NAALAD2: variants seen among roughly 807,000 people sequenced by gnomAD.
NAALAD2 encodes the protein N-acetylated-alpha-linked acidic dipeptidase 2.
A neutral mutation model predicts 95.6 loss-of-function variants in NAALAD2; 89 were observed. That is an observed-to-expected ratio of 0.93 (90% confidence interval 0.78 to 1.11). The LOEUF is 1.11. Among genes scored for constraint, NAALAD2 ranks in the 50% least tolerant of loss-of-function variants. The probability of loss-of-function intolerance (pLI) is 0.00; values close to 1 mark genes in which losing one functional copy is unlikely to be tolerated. For missense variants in NAALAD2, 894 were observed against 872.4 expected (o/e 1.02, Z -0.31); for synonymous variants, 264 against 294.4 (o/e 0.90, Z 1.06).
intron 6 of NAALAD2, among the ~76,000 whole-genome samples, chr11:90,155,726 C>A (rs1373281907): frequency 4.0e-5 from 2 of 50,582 alleles, no homozygotes; most frequent in Non-Finnish European, 7.0e-5. Context: ...GTATGTAATA[C>A]ATACATACAT....
chr11:90,166,835 CAAAAAAAAA>C (rs1242969059), intron 11 of NAALAD2, among the ~76,000 whole-genome samples: 1 of 64,722 alleles, frequency 1.5e-5, no homozygotes, highest in African/African-American at 6.4e-5. Flanking sequence ...ATTCTGTCTC[CAAAAAAAAA>C]AAAAAAAAGA....
intron 16 of NAALAD2, among the ~76,000 whole-genome samples, chr11:90,179,189 T>C (rs916750290): frequency 5.3e-5 from 8 of 152,230 alleles, no homozygotes; most frequent in African/African-American, 1.9e-4. Context: ...ATTACTGTTT[T>C]ATTACAAACA....
intron 6 of NAALAD2, among the ~76,000 whole-genome samples, chr11:90,156,476 G>A (rs1952122496): frequency 6.6e-6 from 1 of 152,056 alleles, no homozygotes; most frequent in African/African-American, 2.4e-5. Flanking sequence ...GATGTCATTT[G>A]TCAGAAACTT....
chr11:90,168,836 A>C (rs577711350), intron 11 of NAALAD2, 93 bp from the exon 12 acceptor site: 12 of 1,021,666 alleles, frequency 1.2e-5, no homozygotes, highest in African/African-American at 4.8e-5. Flanking sequence ...AGATACTTGT[A>C]AACCGCTTTT....
At chr11:90,160,110 A>C in intron 8 of NAALAD2, among the ~76,000 whole-genome samples, 1 of 152,272 alleles carries the variant, frequency 6.6e-6, no homozygotes, top group East Asian at 1.9e-4. Flanking sequence ...CCTCAATAGA[A>C]TTAATATTAC....
chr11:90,163,348 G>C lies in NAALAD2; in HGVS notation c.1114G>C (p.Val372Leu), dbSNP rs1181365267. ...TCTGGGAGGTCACCGGGACTCCTGG[G>C]TATTTGGAGCTATTGACCCAACCAG... is the stretch of plus-strand genomic sequence containing the variant. ...VILGGHRDSW[V>L]FGAIDPTSGV... The change falls in exon 10 of 19, where the codon GTA (valine) becomes CTA (leucine). Residue 372 changes from valine to leucine, a missense_variant. Val to Leu is a conservative substitution (Grantham distance 32, BLOSUM62 1). Coordinates refer to ENST00000534061, the MANE Select transcript of NAALAD2 (RefSeq NM_005467.4). The C allele has an allele frequency of 6.2e-7, 1 of 1,614,032 alleles. No homozygotes were observed. The highest frequency in any genetic ancestry group is 2.2e-5 in the East Asian group (1 of 44,878).
intron 16 of NAALAD2, among the ~76,000 whole-genome samples, chr11:90,180,040 G>A (rs1213390122): frequency 3.3e-5 from 5 of 151,596 alleles, no homozygotes; most frequent in African/African-American, 7.3e-5. Flanking sequence ...GAGAAAATGT[G>A]TTAGTGTAGG....
At chr11:90,162,043 G>T (rs1407406114) in intron 8 of NAALAD2, among the ~76,000 whole-genome samples, 1 of 151,938 alleles carries the variant, frequency 6.6e-6, no homozygotes, top group Non-Finnish European at 1.5e-5. Flanking sequence ...GCCAGAATTT[G>T]TTCTTAACAA....
chr11:90,149,644 GT>G lies in NAALAD2; in HGVS notation c.483+538del, dbSNP rs1204503452. Among the ~76,000 whole-genome samples, 5 of 151,792 alleles carry G rather than the reference GT, an allele frequency of 3.3e-5. No individual in the cohort carries two copies. The East Asian group carries it at 9.7e-4, about 30-fold the overall frequency. The stretch of plus-strand genomic sequence containing the variant: ...GTGGAGACGGGGTTTCTCTATGTTG[GT>G]CAGGCTAGTCTCGAACTCCCGACCT... On this transcript the variant is annotated intron_variant, in intron 4 of 18. Coordinates refer to ENST00000534061, the MANE Select transcript of NAALAD2 (RefSeq NM_005467.4).
chr11:90,157,223 A>G (rs998716430), intron 6 of NAALAD2, among the ~76,000 whole-genome samples: 2 of 152,146 alleles, frequency 1.3e-5, no homozygotes, highest in Non-Finnish European at 2.9e-5. Flanking sequence ...TAAAAATCTC[A>G]TGATAGAACT....
chr11:90,154,035 C>CTCTCTCTCTCTCTCTCTG (rs1244207075), intron 6 of NAALAD2, among the ~76,000 whole-genome samples: 2 of 79,472 alleles, frequency 2.5e-5, no homozygotes, highest in Non-Finnish European at 2.2e-5. Flanking sequence ...TCCTTCCTCT[C>CTCTCTCTCTCTCTCTCTG]TCTCTCTCTC....
intron 18 of NAALAD2, 68 bp downstream of exon 18, chr11:90,183,076 ACTAAT>A: frequency 3.5e-6 from 4 of 1,155,426 alleles, no homozygotes; most frequent in Non-Finnish European, 5.2e-6. Flanking sequence ...TTGGCTTTAA[ACTAAT>A]GCCATTAGAT....
At chr11:90,173,183 A>G (rs1294104061) in intron 13 of NAALAD2, among the ~76,000 whole-genome samples, 1 of 152,168 alleles carries the variant, frequency 6.6e-6, no homozygotes, top group East Asian at 1.9e-4. Context: ...AAATGTATAT[A>G]TATACACACA....
At position 90,158,254 on chromosome 11, in the gene NAALAD2, T is replaced by C; in HGVS notation, c.890+16T>C. On this transcript the variant is annotated intron_variant, in intron 7 of 18. Transcript: ENST00000534061. ...TATTATTACGGTATAGTTTTCTTGT[T>C]GGATATGAGATTAAGATATTTTGCA... is the stretch of plus-strand genomic sequence containing the variant. The C allele has an allele frequency of 6.4e-7, 1 of 1,563,302 alleles. No homozygotes were observed.
In NAALAD2 at chr11:90,139,327, A is replaced by G. The variant is rs576275936; in HGVS notation, c.194+3657A>G. On this transcript the variant is annotated intron_variant, in intron 2 of 18. Transcript: ENST00000534061. ...ATAGATAAGGGCAGTCCTTATCATA[A>G]ACCCAAGTGCATTTGCACAAAACAG... Among the ~76,000 whole-genome samples, 3 of 152,288 alleles carry G rather than the reference A, an allele frequency of 2.0e-5. No individual in the cohort carries two copies. In the South Asian group the frequency reaches 6.2e-4, roughly 32 times the overall value.
Position 90,181,683 on chromosome 11 carries a change from T to C in NAALAD2, c.1922T>C (p.Ile641Thr), listed in dbSNP as rs141848412. The C allele has an allele frequency of 1.3e-4, 212 of 1,582,090 alleles. No individual in the cohort carries two copies. Among genetic ancestry groups the C allele is most frequent in the African/African-American group, 4.4e-4 (32 of 73,494 alleles). The change falls in exon 17 of 19, where the codon ATA becomes ACA. Residue 641 changes from isoleucine (I) to threonine (T), a missense_variant. Physicochemically the swap from Ile to Thr is moderately conservative, Grantham distance 89. Transcript: ENST00000534061. ...GCTTCAGATTTTCATAAACGACTTA[T>C]ACAAGTTGATCTTAACAAGTAAGTT... ...EAASDFHKRLIQVDLNNPIAV... is the reference protein window; with the variant it reads ...EAASDFHKRLTQVDLNNPIAV...
chr11:90,166,948 G>A (rs973521599), intron 11 of NAALAD2, among the ~76,000 whole-genome samples: 2 of 152,126 alleles, frequency 1.3e-5, no homozygotes, highest in African/African-American at 2.4e-5. Flanking sequence ...TCAGGAGTTC[G>A]AGAACAGCCT....
At chr11:90,184,286 C>T (rs776134991) in intron 18 of NAALAD2, among the ~76,000 whole-genome samples, 1 of 152,056 alleles carries the variant, frequency 6.6e-6, no homozygotes. Context: ...ACATACTTCA[C>T]GTGACCTGGA....
At position 90,155,606 on chromosome 11, in the gene NAALAD2, A is replaced by G. The variant is rs1384202983; in HGVS notation, c.797-2539A>G. 3.0e-4 allele frequency among the ~76,000 whole-genome samples: 28 copies of G among 93,016 alleles called. 1 individual carries two copies. In the South Asian group the frequency reaches 9.9e-3, roughly 33 times the overall value. The allele number at this position is 93,016 out of a possible 152,430, so 61.0% of individuals were successfully genotyped here. Reference sequence around the variant, plus strand: ...ATGTAATATATATGTAATAATATATATTACATATAAATTACATATATATTA... The same window carrying G: ...ATGTAATATATATGTAATAATATATGTTACATATAAATTACATATATATTA... On this transcript the variant is annotated intron_variant, in intron 6 of 18. Coordinates refer to ENST00000534061, the MANE Select transcript of NAALAD2 (RefSeq NM_005467.4).
Sources: gnomAD v4.1 joint callset for allele counts (sites outside exome capture counted in the v4.1 genomes callset) on GRCh38, gnomAD v4.1.1 for gene constraint, MANE v1.5 for transcripts, NCBI Gene and HGNC (gene_info 2026-07-23, HGNC 2026-07-21) for gene names.